The following CCT2 variants were observed in gnomAD, a reference collection of about 807,000 sequenced individuals.
CCT2 encodes the protein chaperonin containing TCP1 subunit 2, also known as T-complex protein 1 subunit beta.
In CCT2, 18 loss-of-function variants were observed where a neutral mutation model predicts 61.8. That is an observed-to-expected ratio of 0.29 (90% CI 0.20 to 0.43). CCT2 has a LOEUF of 0.43. Ranked by LOEUF, CCT2 falls within the 20% of genes least tolerant of loss-of-function variation. CCT2 has a pLI of 1.00. For synonymous variants in CCT2, 248 were observed against 215.9 expected, an observed-to-expected ratio of 1.15 and a Z score of -1.30; for missense variants, 556 against 656.9, an observed-to-expected ratio of 0.85 and a Z score of 1.68.
chr12:69,600,905 G>T (rs1282847598), intron 15 of CCT2, among the ~76,000 whole-genome samples: 1 of 152,162 alleles, frequency 6.6e-6, no homozygotes, highest in Non-Finnish European at 1.5e-5. Context: ...AAGAATAAAA[G>T]ATGAGAATAG....
At chr12:69,600,742 C>T (rs1357044156) in intron 15 of CCT2, among the ~76,000 whole-genome samples, 2 of 152,182 alleles carry the variant, frequency 1.3e-5, no homozygotes, top group Non-Finnish European at 1.5e-5. Flanking sequence ...TGTTCTTAAG[C>T]TTCTTCAGCT....
In CCT2 at chr12:69,586,788, G is replaced by A. The variant is rs967106598; in HGVS notation, c.114G>A (p.Leu38=). The A allele has an allele frequency of 6.3e-7, 1 of 1,599,472 alleles. No individual in the cohort carries two copies. The highest frequency in any genetic ancestry group is 8.5e-7 in the Non-Finnish European group (1 of 1,174,334). ...SFIGAIAIGD[L]VKSTLGPKGM... is the part of the protein sequence containing the mutation. ...TTGGTGCCATCGCCATTGGAGACTT[G>A]GTAAAGAGCACCTTGGGACCCAAAG... The change falls in exon 3 of 16, where the codon TTG becomes TTA. Residue 38 remains leucine, a synonymous_variant. Coordinates refer to ENST00000299300, the MANE Select transcript of CCT2 (RefSeq NM_006431.3).
intron 7 of CCT2, 84 bp downstream of exon 7, chr12:69,589,771 C>A: frequency 1.8e-6 from 2 of 1,097,178 alleles, no homozygotes; most frequent in Non-Finnish European, 2.7e-6. Flanking sequence ...AGACCAGTGA[C>A]CCTTTACAAA....
At chr12:69,594,138 CAA>C (rs113074130) in intron 10 of CCT2, among the ~76,000 whole-genome samples, 10 of 134,282 alleles carry the variant, frequency 7.4e-5, no homozygotes, top group Admixed American at 7.6e-5. Flanking sequence ...GACCCTGTCT[CAA>C]AAAAAAAAAA....
chr12:69,597,426 A>G, intron 11 of CCT2, 151 bp downstream of exon 11: 1 of 1,147,616 alleles, frequency 8.7e-7, no homozygotes, highest in Non-Finnish European at 1.2e-6. Context: ...TCTTGAGTCA[A>G]CCTCATATTT....
intron 10 of CCT2, among the ~76,000 whole-genome samples, chr12:69,596,065 ACT>A (rs899084113): frequency 3.3e-5 from 5 of 152,164 alleles, no homozygotes; most frequent in Non-Finnish European, 4.4e-5. Flanking sequence ...GTAGCAAGAC[ACT>A]CTCTCTTTAA....
At chr12:69,596,794 A>C (rs2135858472) in intron 10 of CCT2, among the ~76,000 whole-genome samples, 1 of 152,298 alleles carries the variant, frequency 6.6e-6, no homozygotes, top group East Asian at 1.9e-4. Flanking sequence ...GACTCAGTTT[A>C]ACCTTGGGAA....
chr12:69,586,078 T>C (rs1881643533), intron 1 of CCT2, 192 bp from the exon 2 acceptor site: 3 of 1,321,162 alleles, frequency 2.3e-6, no homozygotes, highest in Non-Finnish European at 3.0e-6. Context: ...CGAAAAGCCA[T>C]GTCGCTCTCC....
In CCT2 at chr12:69,593,123, A is replaced by G. The variant is rs756669993; in HGVS notation, c.878+20A>G. On this transcript the variant is annotated intron_variant, in intron 9 of 15. Transcript: ENST00000299300. ...TAACAGGTCTGTGTTTGCTTTTAAG[A>G]AAGGATTTTTTTCCATGAAAGTTTA... 1 of 1,597,128 alleles carries G rather than the reference A, an allele frequency of 6.3e-7. No individual in the cohort carries two copies. Among genetic ancestry groups the G allele is most frequent in the South Asian group, 1.1e-5 (1 of 88,380 alleles).
intron 15 of CCT2, 109 bp downstream of exon 15, chr12:69,600,113 TA>T: frequency 9.9e-7 from 1 of 1,012,864 alleles, no homozygotes; most frequent in Non-Finnish European, 1.4e-6. Context: ...TTTGCCTGGA[TA>T]AAAGTATGTA....
rs1881783490 is a variant in CCT2, at chr12:69,589,892, G to A, written c.649+205G>A. ...TCCAGCATTGTTGATGATCTCTAGAGTTTACTTAACTACCATGAAGTTATT... is the reference window on the plus strand; with the variant it reads ...TCCAGCATTGTTGATGATCTCTAGAATTTACTTAACTACCATGAAGTTATT... On this transcript the variant is annotated intron_variant, in intron 7 of 15. Transcript: ENST00000299300. 12 of 576,426 alleles carry A rather than the reference G, an allele frequency of 2.1e-5. 1 individual carries two copies. In the East Asian group the frequency reaches 3.5e-4, roughly 17 times the overall value. The allele number at this position is 576,426 out of a possible 1,614,324, so 35.7% of individuals were successfully genotyped here.
chr12:69,595,781 A>G (rs1402326562), intron 10 of CCT2, among the ~76,000 whole-genome samples: 1 of 146,908 alleles, frequency 6.8e-6, no homozygotes, highest in African/African-American at 2.4e-5. Flanking sequence ...AAATTGCTCT[A>G]TACCCAGAAG....
intron 6 of CCT2, 64 bp from the exon 7 acceptor site, chr12:69,589,421 A>C: frequency 1.8e-6 from 2 of 1,107,546 alleles, no homozygotes; most frequent in Non-Finnish European, 2.7e-6. Flanking sequence ...ATTGACATGA[A>C]TATCTAGATA....
chr12:69,601,334 A>G lies in CCT2; in HGVS notation c.*9A>G, dbSNP rs751365773. On this transcript the variant is annotated 3_prime_UTR_variant, in exon 16 of 16. Coordinates refer to ENST00000299300, the MANE Select transcript of CCT2 (RefSeq NM_006431.3). ...ATCACCACCCCTGTTAAGCATTCCC[A>G]CGTGCTGTCGATCTTTGGACCAGTT... The G allele has an allele frequency of 1.9e-5, 30 of 1,613,760 alleles. 1 individual carries two copies. The South Asian group carries it at 3.3e-4, about 18-fold the overall frequency.
At chr12:69,600,443 G>A (rs1484184306) in intron 15 of CCT2, among the ~76,000 whole-genome samples, 2 of 152,138 alleles carry the variant, frequency 1.3e-5, no homozygotes, top group Admixed American at 1.3e-4. Context: ...ATAATACCTT[G>A]TTTGGTCTGA....
At chr12:69,588,377 A>G in intron 6 of CCT2, 115 bp downstream of exon 6, 2 of 727,150 alleles carry the variant, frequency 2.8e-6, no homozygotes, top group Non-Finnish European at 2.3e-6. Flanking sequence ...TTGCTGCCTC[A>G]CCCCACTCCA....
chr12:69,596,172 T>G (rs1034315566), intron 10 of CCT2, among the ~76,000 whole-genome samples: 1 of 152,226 alleles, frequency 6.6e-6, no homozygotes, highest in African/African-American at 2.4e-5. Context: ...ATATCTGTTG[T>G]GTCTCACATC....
intron 6 of CCT2, among the ~76,000 whole-genome samples, chr12:69,588,765 C>T (rs1176366798): frequency 2.0e-5 from 3 of 152,120 alleles, no homozygotes; most frequent in South Asian, 2.1e-4. Flanking sequence ...TAAGGCACCC[C>T]CAAACCTGGG....
chr12:69,589,394 T>C, intron 6 of CCT2, 91 bp from the exon 7 acceptor site: 1 of 822,346 alleles, frequency 1.2e-6, no homozygotes, highest in Admixed American at 2.2e-5. Flanking sequence ...ACTTGATCAG[T>C]TAGGGTAAAA....
Sources: gnomAD v4.1 joint callset for allele counts (sites outside exome capture counted in the v4.1 genomes callset) on GRCh38, gnomAD v4.1.1 for gene constraint, MANE v1.5 for transcripts, NCBI Gene and HGNC (gene_info 2026-07-23, HGNC 2026-07-21) for gene names.